Variants in GDAP1 observed in about 807,000 individuals in gnomAD.
GDAP1 encodes ganglioside-induced differentiation-associated protein 1.
Under a neutral mutation model 40.1 loss-of-function variants are expected in GDAP1, and 34 were observed. The observed-to-expected ratio is 0.85, with a 90% confidence interval of 0.64 to 1.13. GDAP1 has a LOEUF of 1.13. Among genes scored for constraint, GDAP1 ranks in the 50% most tolerant of loss-of-function variants. GDAP1 has a pLI of 0.00. For missense variants in GDAP1, 374 were observed against 433.7 expected, an observed-to-expected ratio of 0.86 and a Z score of 1.22; for synonymous variants, 170 against 157.4, an observed-to-expected ratio of 1.08 and a Z score of -0.60.
At chr8:74,403,129 A>G (rs373463808) in intron 2 of GDAP1, among the ~76,000 whole-genome samples, 1 of 150,114 alleles carries the variant, frequency 6.7e-6, no homozygotes, top group Non-Finnish European at 1.5e-5. Context: ...TCTCGCAGTG[A>G]TGGGAGAGTC....
At chr8:74,470,845 G>T (rs540079379) in intron 2 of GDAP1, among the ~76,000 whole-genome samples, 9 of 152,280 alleles carry the variant, frequency 5.9e-5, no homozygotes, top group Middle Eastern at 3.4e-3. Context: ...TTCCACAATG[G>T]TTGAACTAGT....
At chr8:74,469,867 G>C (rs199933885) in intron 2 of GDAP1, among the ~76,000 whole-genome samples, 11 of 151,862 alleles carry the variant, frequency 7.2e-5, no homozygotes, top group Non-Finnish European at 1.3e-4. Flanking sequence ...CCAGCTACTC[G>C]GGAGGCTGAG....
intron 2 of GDAP1, among the ~76,000 whole-genome samples, chr8:74,438,481 T>A (rs1370308806): frequency 6.6e-6 from 1 of 152,252 alleles, no homozygotes; most frequent in Non-Finnish European, 1.5e-5. Context: ...TGTGGTTTTA[T>A]TTAATAGTTC....
chr8:74,460,455 G>T (rs967332303), intron 2 of GDAP1, among the ~76,000 whole-genome samples: 6 of 152,178 alleles, frequency 3.9e-5, no homozygotes, highest in African/African-American at 1.4e-4. Context: ...TTCATGTCAT[G>T]TCGCCAATTT....
intron 2 of GDAP1, among the ~76,000 whole-genome samples, chr8:74,377,298 A>G (rs1242413081): frequency 6.6e-6 from 1 of 152,202 alleles, no homozygotes; most frequent in African/African-American, 2.4e-5. Flanking sequence ...TATATACCTG[A>G]CAAAGGATGT....
chr8:74,486,569 A>G (rs1369172164), intron 2 of GDAP1, among the ~76,000 whole-genome samples: 1 of 152,206 alleles, frequency 6.6e-6, no homozygotes, highest in Non-Finnish European at 1.5e-5. Context: ...AAGATTCTCA[A>G]AAATCCAGAA....
At position 74,356,716 on chromosome 8, in the gene GDAP1, A is replaced by ATATATT. The variant is rs375377157; in HGVS notation, c.311-3420_311-3419insATATTT. ...TTTGTGTGTGTGTATATATATATAT[A>ATATATT]TTTTTTTTTTTTTTTTTGAGACGGA... On this transcript the variant is annotated intron_variant, in intron 2 of 5. Coordinates refer to ENST00000220822, the MANE Select transcript of GDAP1 (RefSeq NM_018972.4). Among the ~76,000 whole-genome samples, 25 of 104,334 alleles carry ATATATT rather than the reference A, an allele frequency of 2.4e-4. 2 individuals carry two copies. The highest frequency in any genetic ancestry group is 1.5e-3 in the South Asian group (5 of 3,260). 68.4% of individuals were successfully genotyped at this position (104,334 alleles called of 152,430 possible). A position where few individuals can be genotyped will look rare whatever the true frequency, so the allele number is the denominator to read the frequency against.
intron 2 of GDAP1, among the ~76,000 whole-genome samples, chr8:74,387,689 GC>G (rs1440426376): frequency 9.8e-5 from 15 of 152,306 alleles, no homozygotes; most frequent in Admixed American, 7.2e-4. Context: ...GATGATGCTG[GC>G]CTCATAAAAT....
intron 1 of GDAP1, among the ~76,000 whole-genome samples, chr8:74,350,878 G>A (rs752708662): frequency 2.8e-4 from 43 of 152,192 alleles, no homozygotes; most frequent in Non-Finnish European, 1.0e-4. Context: ...AGAGGCAGAG[G>A]GAGGTGCCTT....
rs868089824 is a variant in GDAP1 at position 74,398,354 on chromosome 8, T to C, written c.165+47033T>C. Among the ~76,000 whole-genome samples the C allele has an allele frequency of 2.7e-4, 41 of 152,296 alleles. No individual in the cohort carries two copies. In the Middle Eastern group the frequency reaches 0.031, roughly 114 times the overall value. On this transcript the variant is annotated intron_variant, in intron 2 of 2. Coordinates refer to the GDAP1 transcript ENST00000523640. ...TCCATCCTTTTATTTTGAGTCTATG[T>C]GTGTCTCTGCATGTGAGATGGGTTT...
chr8:74,429,507 C>G (rs938631057), intron 2 of GDAP1, among the ~76,000 whole-genome samples: 6 of 152,188 alleles, frequency 3.9e-5, no homozygotes, highest in African/African-American at 1.4e-4. Context: ...GGTGGGAAGT[C>G]TGAAATCAAT....
At chr8:74,353,354 A>G (rs1563438683) in intron 2 of GDAP1, among the ~76,000 whole-genome samples, 2 of 152,310 alleles carry the variant, frequency 1.3e-5, no homozygotes, top group South Asian at 2.1e-4. Context: ...CTTTCAATCA[A>G]TTGGGAAGGA....
At chr8:74,414,858 A>C (rs1805759296) in intron 2 of GDAP1, among the ~76,000 whole-genome samples, 1 of 150,022 alleles carries the variant, frequency 6.7e-6, no homozygotes, top group Admixed American at 6.6e-5. Context: ...CAAGATAAAC[A>C]CAAAAGAATA....
intron 2 of GDAP1, among the ~76,000 whole-genome samples, chr8:74,387,427 T>C (rs1810041524): frequency 6.6e-6 from 1 of 152,230 alleles, no homozygotes; most frequent in South Asian, 2.1e-4. Flanking sequence ...TTTCTGCATC[T>C]ATTGAGATAA....
At chr8:74,394,287 C>T (rs1381621036) in intron 2 of GDAP1, among the ~76,000 whole-genome samples, 6 of 152,172 alleles carry the variant, frequency 3.9e-5, no homozygotes, top group Admixed American at 3.9e-4. Context: ...TCAATTACCT[C>T]CCACTGGGTC....
chr8:74,375,186 G>A (rs1292119806), intron 2 of GDAP1, among the ~76,000 whole-genome samples: 2 of 152,204 alleles, frequency 1.3e-5, no homozygotes, highest in South Asian at 2.1e-4. Flanking sequence ...AATTAGCCAG[G>A]CATGGTGGTG....
intron 2 of GDAP1, among the ~76,000 whole-genome samples, chr8:74,460,746 T>C (rs1806391054): frequency 6.6e-6 from 1 of 152,034 alleles, no homozygotes; most frequent in South Asian, 2.1e-4. Flanking sequence ...AAGGTTCTAT[T>C]TGTGGAGTTG....
intron 3 of GDAP1, among the ~76,000 whole-genome samples, chr8:74,361,293 C>T (rs1428206543): frequency 3.3e-5 from 5 of 152,180 alleles, no homozygotes; most frequent in Non-Finnish European, 5.9e-5. Context: ...TAGAGGAAGG[C>T]GGAGCAGCAA....
intron 2 of GDAP1, among the ~76,000 whole-genome samples, chr8:74,468,070 T>C (rs1563477472): frequency 6.6e-6 from 1 of 152,170 alleles, no homozygotes; most frequent in East Asian, 1.9e-4. Flanking sequence ...TTGTCATAAA[T>C]TAAAATTACA....
Sources: allele counts gnomAD v4.1 joint callset (sites outside exome capture counted in the v4.1 genomes callset), GRCh38; gene constraint gnomAD v4.1.1; transcripts MANE v1.5; gene names NCBI Gene and HGNC (gene_info 2026-07-23, HGNC 2026-07-21).